Variants in ADAMTS17 observed in about 807,000 individuals in gnomAD.
The protein encoded by ADAMTS17 is ADAM metallopeptidase with thrombospondin type 1 motif 17, also known as A disintegrin and metalloproteinase with thrombospondin motifs 17.
ADAMTS17 carries 113 observed loss-of-function variants against 141.5 expected under a neutral mutation model. That is an observed-to-expected ratio of 0.80 (90% confidence interval 0.69 to 0.93). The LOEUF is 0.93. Among genes scored for constraint, ADAMTS17 ranks in the 40% least tolerant of loss-of-function variants. The pLI, the probability that ADAMTS17 is intolerant of heterozygous loss-of-function variation, is 0.00. For synonymous variants in ADAMTS17, 768 were observed against 630.6 expected, an observed-to-expected ratio of 1.22 and a Z score of -3.27; for missense variants, 1,659 against 1,517.9, an observed-to-expected ratio of 1.09 and a Z score of -1.54.
chr15:100,303,622 T>C (rs982096734), intron 3 of ADAMTS17, among the ~76,000 whole-genome samples: 7 of 152,222 alleles, frequency 4.6e-5, no homozygotes, highest in South Asian at 4.1e-4. Context: ...GATCTCCCCT[T>C]AATTCTTAAT....
intron 3 of ADAMTS17, chr15:100,306,169 C>T: frequency 3.8e-6 from 1 of 265,820 alleles, no homozygotes; most frequent in South Asian, 4.3e-5. Context: ...CACCTACCTA[C>T]AGTTATAGAG....
chr15:99,998,032 G>A (rs901620898), intron 18 of ADAMTS17, among the ~76,000 whole-genome samples: 25 of 152,262 alleles, frequency 1.6e-4, no homozygotes, highest in Non-Finnish European at 3.5e-4. Flanking sequence ...CCAGTACAGG[G>A]AATGTCCCTA....
At chr15:100,043,800 C>G (rs1166336192) in intron 18 of ADAMTS17, among the ~76,000 whole-genome samples, 2 of 152,238 alleles carry the variant, frequency 1.3e-5, no homozygotes, top group Non-Finnish European at 1.5e-5. Context: ...TCTGAAATTG[C>G]TTTTAGTCTG....
rs371854914 is a variant in ADAMTS17 at position 100,193,555 on chromosome 15, G to A, written c.1181+5763C>T. Among the ~76,000 whole-genome samples the A allele has an allele frequency of 3.0e-3, 453 of 152,300 alleles. 5 individuals are homozygous for A. The highest frequency in any genetic ancestry group is 0.03 in the South Asian group (143 of 4,828). ...AGACACCTCCAATGTTGCGTCTTCCGCGGTTCTCCACCTGGGATGTGCGGA... is the reference window on the plus strand; with the variant it reads ...AGACACCTCCAATGTTGCGTCTTCCACGGTTCTCCACCTGGGATGTGCGGA... On this transcript the variant is annotated intron_variant, in intron 8 of 21. Coordinates refer to ENST00000268070, the MANE Select transcript of ADAMTS17 (RefSeq NM_139057.4).
intron 2 of ADAMTS17, among the ~76,000 whole-genome samples, chr15:100,334,866 C>A (rs1261104806): frequency 6.6e-6 from 1 of 152,228 alleles, no homozygotes; most frequent in Non-Finnish European, 1.5e-5. Context: ...AAAGGACTGC[C>A]AGCCTGCCCT....
intron 7 of ADAMTS17, among the ~76,000 whole-genome samples, chr15:100,249,270 G>T (rs1300604032): frequency 6.6e-6 from 1 of 152,232 alleles, no homozygotes; most frequent in Non-Finnish European, 1.5e-5. Flanking sequence ...TGCAAGCCTT[G>T]TGTTTCAATC....
Position 100,262,094 on chromosome 15 carries a change from T to G in ADAMTS17, c.873+258A>C, listed in dbSNP as rs112354876. On this transcript the variant is annotated intron_variant, in intron 5 of 21. Coordinates refer to ENST00000268070, the MANE Select transcript of ADAMTS17 (RefSeq NM_139057.4). Reference sequence around the variant, plus strand: ...CTTGCCATCAAGCTTTGCACTATCCTAGAGACTCCATCCGAGACCCTCCGG... The same window carrying G: ...CTTGCCATCAAGCTTTGCACTATCCGAGAGACTCCATCCGAGACCCTCCGG... Among the ~76,000 whole-genome samples the G allele has an allele frequency of 9.3e-4, 141 of 152,264 alleles. 2 individuals carry two copies. The highest frequency in any genetic ancestry group is 3.0e-3 in the African/African-American group (125 of 41,552).
chr15:100,038,300 T>G (rs2030937133), intron 18 of ADAMTS17, among the ~76,000 whole-genome samples: 1 of 152,216 alleles, frequency 6.6e-6, no homozygotes, highest in South Asian at 2.1e-4. Context: ...TTGGGAAGCA[T>G]GAGGACTCCA....
chr15:100,016,024 T>G (rs2061282095), intron 18 of ADAMTS17, among the ~76,000 whole-genome samples: 1 of 152,250 alleles, frequency 6.6e-6, no homozygotes, highest in South Asian at 2.1e-4. Context: ...TTTGGTTGTT[T>G]AACATAATCC....
chr15:100,331,114 C>G (rs903519408), intron 2 of ADAMTS17, 60 bp from the exon 3 acceptor site: 5 of 1,603,344 alleles, frequency 3.1e-6, no homozygotes, highest in South Asian at 1.1e-5. Context: ...ACGCCCATGG[C>G]CCCCCGGAGG....
chr15:100,158,861 G>C (rs940534974), intron 8 of ADAMTS17, among the ~76,000 whole-genome samples: 24 of 152,290 alleles, frequency 1.6e-4, no homozygotes, highest in African/African-American at 5.8e-4. Flanking sequence ...CAGCAGGCAC[G>C]TGAAAAGATG....
At chr15:100,320,777 G>A (rs1402500849) in intron 3 of ADAMTS17, among the ~76,000 whole-genome samples, 1 of 152,108 alleles carries the variant, frequency 6.6e-6, no homozygotes, top group Non-Finnish European at 1.5e-5. Flanking sequence ...AGGTTGCAGT[G>A]AACCAAGATC....
At chr15:100,330,363 C>T (rs2141951736) in intron 3 of ADAMTS17, among the ~76,000 whole-genome samples, 1 of 152,270 alleles carries the variant, frequency 6.6e-6, no homozygotes, top group Non-Finnish European at 1.5e-5. Flanking sequence ...ATGACTGGAC[C>T]CTCCCCCAGG....
chr15:100,154,403 C>A (rs1346577537), intron 9 of ADAMTS17, among the ~76,000 whole-genome samples: 1 of 152,178 alleles, frequency 6.6e-6, no homozygotes, highest in Admixed American at 6.5e-5. Flanking sequence ...AGGATGGCAC[C>A]TTTGCCACTA....
At chr15:100,249,576 C>T (rs1212801480) in intron 7 of ADAMTS17, among the ~76,000 whole-genome samples, 1 of 152,194 alleles carries the variant, frequency 6.6e-6, no homozygotes, top group Non-Finnish European at 1.5e-5. Context: ...TTGCCACTAA[C>T]TTCTATGTGA....
At chr15:100,091,898 G>T (rs1254091401) in intron 15 of ADAMTS17, among the ~76,000 whole-genome samples, 2 of 152,062 alleles carry the variant, frequency 1.3e-5, no homozygotes, top group African/African-American at 4.8e-5. Context: ...TCTCCCTAAT[G>T]GTGGTTCCTG....
chr15:100,201,377 C>G (rs1312912330), intron 7 of ADAMTS17, among the ~76,000 whole-genome samples: 1 of 152,214 alleles, frequency 6.6e-6, no homozygotes, highest in African/African-American at 2.4e-5. Context: ...GTCTGCTTCC[C>G]TTTCCCCTTC....
intron 3 of ADAMTS17, among the ~76,000 whole-genome samples, chr15:100,301,564 T>C (rs2141817785): frequency 6.6e-6 from 1 of 151,252 alleles, no homozygotes; most frequent in East Asian, 1.9e-4. Context: ...GTTGATCTCC[T>C]GATGTTGTGA....
chr15:100,109,899 G>A (rs1399959697), intron 13 of ADAMTS17, among the ~76,000 whole-genome samples: 1 of 152,010 alleles, frequency 6.6e-6, no homozygotes, highest in Non-Finnish European at 1.5e-5. Flanking sequence ...GGTGGGGCAG[G>A]AGCAGCATCT....
Sources: gnomAD v4.1 joint callset for allele counts (sites outside exome capture counted in the v4.1 genomes callset) on GRCh38, gnomAD v4.1.1 for gene constraint, MANE v1.5 for transcripts, NCBI Gene and HGNC (gene_info 2026-07-23, HGNC 2026-07-21) for gene names.